The following CACNB4 variants were observed in gnomAD, a reference collection of about 807,000 sequenced individuals.
CACNB4 encodes the protein voltage-dependent L-type calcium channel subunit beta-4.
In CACNB4, 32 loss-of-function variants were observed where a neutral mutation model predicts 71.2. That is an observed-to-expected ratio of 0.45 (90% CI 0.34 to 0.60). The LOEUF is 0.60. Ranked by LOEUF, CACNB4 falls within the 20% of genes least tolerant of loss-of-function variation. The pLI is 0.01. For missense variants in CACNB4, 464 were observed against 647.9 expected (o/e 0.72, Z 3.08); for synonymous variants, 231 against 236.9 (o/e 0.97, Z 0.23).
At chr2:152,007,649 T>G (rs75047625) in intron 2 of CACNB4, among the ~76,000 whole-genome samples, 7,579 of 152,308 alleles carry the variant, frequency 0.05, 623 homozygotes, top group African/African-American at 0.17. Context: ...CTTCCACATT[T>G]TGGCTATTGT....
intron 2 of CACNB4, among the ~76,000 whole-genome samples, chr2:152,091,389 G>A (rs1687964861): frequency 6.6e-6 from 1 of 152,198 alleles, no homozygotes; most frequent in Non-Finnish European, 1.5e-5. Flanking sequence ...AGATGAAAAT[G>A]ATTCAATACT....
chr2:152,008,789 G>T (rs1682879648), intron 2 of CACNB4, among the ~76,000 whole-genome samples: 2 of 152,118 alleles, frequency 1.3e-5, no homozygotes, highest in Non-Finnish European at 2.9e-5. Context: ...GTGCAGCGGG[G>T]AGCTTGTTGG....
intron 2 of CACNB4, among the ~76,000 whole-genome samples, chr2:151,894,942 G>A (rs770328031): frequency 1.9e-4 from 29 of 151,946 alleles, no homozygotes; most frequent in Non-Finnish European, 2.9e-4. Context: ...GACATCCCAC[G>A]TTCATGGATC....
chr2:151,864,932 T>TC (rs1198681844), intron 9 of CACNB4, among the ~76,000 whole-genome samples: 1 of 152,194 alleles, frequency 6.6e-6, no homozygotes, highest in Non-Finnish European at 1.5e-5. Flanking sequence ...CCATGACCCC[T>TC]CTCATTCCCA....
chr2:152,048,109 G>A (rs751947128), intron 2 of CACNB4, among the ~76,000 whole-genome samples: 26 of 152,092 alleles, frequency 1.7e-4, no homozygotes, highest in Non-Finnish European at 2.8e-4. Context: ...TGACATCGTG[G>A]ACCAGATGAC....
At chr2:152,081,881 G>A (rs1375231095) in intron 2 of CACNB4, among the ~76,000 whole-genome samples, 4 of 152,182 alleles carry the variant, frequency 2.6e-5, no homozygotes, top group South Asian at 2.1e-4. Context: ...TGGCAAACAC[G>A]GAGTAAGCAG....
rs1443276957 is a variant in CACNB4 at position 151,863,084 on chromosome 2, G to T, written c.759-2264C>A. Among the ~76,000 whole-genome samples, 9 of 146,782 alleles carry T rather than the reference G, an allele frequency of 6.1e-5. No homozygotes were observed. In the East Asian group the frequency reaches 1.9e-3, roughly 30 times the overall value. ...TTTTTTTTTTTAATTTAATTTTTTT[G>T]AGTCGGAGTCTCGCTCTGTCACCCA... On this transcript the variant is annotated intron_variant, in intron 9 of 13. Transcript: ENST00000539935.
intron 2 of CACNB4, among the ~76,000 whole-genome samples, chr2:152,004,771 G>C (rs1682631428): frequency 6.6e-6 from 1 of 152,188 alleles, no homozygotes; most frequent in African/African-American, 2.4e-5. Flanking sequence ...GGAGTCAGAG[G>C]CACTGTGGCA....
intron 2 of CACNB4, among the ~76,000 whole-genome samples, chr2:151,886,784 T>G (rs577430142): frequency 6.6e-6 from 1 of 152,222 alleles, no homozygotes; most frequent in Non-Finnish European, 1.5e-5. Context: ...TCTGCTGGCT[T>G]GGTACTGGCT....
intron 2 of CACNB4, among the ~76,000 whole-genome samples, chr2:151,999,131 CCAGA>C (rs778673095): frequency 6.6e-6 from 1 of 152,138 alleles, no homozygotes; most frequent in African/African-American, 2.4e-5. Flanking sequence ...AATTAATTAT[CCAGA>C]CAATCAATCA....
chr2:151,880,727 T>C, intron 4 of CACNB4, 73 bp downstream of exon 4: 1 of 1,535,288 alleles, frequency 6.5e-7, no homozygotes, highest in Non-Finnish European at 8.9e-7. Flanking sequence ...CCTCTCTGGC[T>C]AGTTTGGCTC....
chr2:152,065,661 A>G (rs1378898094), intron 2 of CACNB4, among the ~76,000 whole-genome samples: 1 of 152,186 alleles, frequency 6.6e-6, no homozygotes, highest in Non-Finnish European at 1.5e-5. Context: ...ATTTACTTAC[A>G]TCATTGATTC....
At chr2:151,955,701 T>C (rs1176429608) in intron 2 of CACNB4, among the ~76,000 whole-genome samples, 1 of 150,116 alleles carries the variant, frequency 6.7e-6, no homozygotes, top group African/African-American at 2.5e-5. Flanking sequence ...GGCCCAGGAG[T>C]TTGAACCAGC....
chr2:151,846,098 T>G (rs529901990), intron 12 of CACNB4, among the ~76,000 whole-genome samples: 4 of 152,328 alleles, frequency 2.6e-5, no homozygotes, highest in East Asian at 1.9e-4. Context: ...TGTTTGGTAC[T>G]CCATTTACAG....
intron 2 of CACNB4, among the ~76,000 whole-genome samples, chr2:152,009,032 A>G (rs1315799919): frequency 6.6e-6 from 1 of 152,052 alleles, no homozygotes; most frequent in Admixed American, 6.6e-5. Context: ...CTTTATCAAA[A>G]ATGTGAAAAA....
In CACNB4 at chr2:151,904,265, CTATT is replaced by C. The variant is rs1312056245; in HGVS notation, c.148-20899_148-20896del. Among the ~76,000 whole-genome samples, 5 of 152,322 alleles carry C rather than the reference CTATT, an allele frequency of 3.3e-5. No homozygotes were observed. In the South Asian group the frequency reaches 6.2e-4, roughly 19 times the overall value. ...ATTTTACTAAAGATTCAAATCCTCACTATTTATCTGCTGAAATGGAGCCATTATT... is the reference window on the plus strand; with the variant it reads ...ATTTTACTAAAGATTCAAATCCTCACTATCTGCTGAAATGGAGCCATTATT... On this transcript the variant is annotated intron_variant, in intron 2 of 13. Coordinates refer to ENST00000539935, the MANE Select transcript of CACNB4 (RefSeq NM_000726.5).
At chr2:151,904,620 T>C (rs949876377) in intron 2 of CACNB4, among the ~76,000 whole-genome samples, 2 of 151,414 alleles carry the variant, frequency 1.3e-5, no homozygotes, top group Non-Finnish European at 2.9e-5. Flanking sequence ...CTGCAACCTC[T>C]ACCTCCTGGG....
At chr2:151,869,269 A>G (rs1312652389) in intron 8 of CACNB4, 34 bp from the exon 9 acceptor site, 1 of 1,294,760 alleles carries the variant, frequency 7.7e-7, no homozygotes, top group South Asian at 1.3e-5. Flanking sequence ...AATGAGGCAA[A>G]CACATGCAGA....
chr2:151,919,672 C>A (rs991360571), intron 2 of CACNB4, among the ~76,000 whole-genome samples: 6 of 152,164 alleles, frequency 3.9e-5, no homozygotes, highest in Admixed American at 2.6e-4. Context: ...ATACTCCCAG[C>A]CCTGTTTACC....
Sources: gnomAD v4.1 joint callset for allele counts (sites outside exome capture counted in the v4.1 genomes callset) on GRCh38, gnomAD v4.1.1 for gene constraint, MANE v1.5 for transcripts, NCBI Gene and HGNC (gene_info 2026-07-23, HGNC 2026-07-21) for gene names.